UBE2B: variants seen among roughly 807,000 people sequenced by gnomAD.
The protein encoded by UBE2B is ubiquitin conjugating enzyme E2 B.
In UBE2B, 11 loss-of-function variants were observed where a neutral mutation model predicts 24.6. The ratio of observed to expected loss-of-function variants is 0.45; its 90% CI spans 0.28 to 0.74. The LOEUF (loss-of-function observed/expected upper bound fraction) is 0.74. Ranked by LOEUF, UBE2B falls within the 30% of genes least tolerant of loss-of-function variation. The probability of loss-of-function intolerance (pLI) is 0.13; values close to 1 mark genes in which losing one functional copy is unlikely to be tolerated. For synonymous variants in UBE2B, 68 were observed against 62.4 expected (o/e 1.09, Z -0.42); for missense variants, 78 against 185.6 (o/e 0.42, Z 3.37).
chr5:134,382,679 T>TGGG (rs1758727212), intron 4 of UBE2B, among the ~76,000 whole-genome samples: 1 of 148,666 alleles, frequency 6.7e-6, no homozygotes, highest in African/African-American at 2.5e-5. Context: ...GAGGCCGAGG[T>TGGG]GGGAGAATTG....
chr5:134,386,308 A>G (rs907728584), intron 4 of UBE2B, among the ~76,000 whole-genome samples: 2 of 150,686 alleles, frequency 1.3e-5, no homozygotes, highest in Non-Finnish European at 2.9e-5. Flanking sequence ...AGCCTGGACA[A>G]CAGACTGAGA....
intron 2 of UBE2B, 59 bp downstream of exon 2, chr5:134,374,522 A>G (rs1197854977): frequency 6.6e-7 from 1 of 1,511,808 alleles, no homozygotes; most frequent in South Asian, 1.2e-5. Context: ...AAAAGTAAAC[A>G]TATAACAACT....
intron 3 of UBE2B, among the ~76,000 whole-genome samples, chr5:134,378,543 C>T (rs1391322862): frequency 1.3e-5 from 2 of 152,126 alleles, no homozygotes; most frequent in Non-Finnish European, 2.9e-5. Context: ...GCATGAGCCA[C>T]ACCCAGCCGA....
intron 4 of UBE2B, among the ~76,000 whole-genome samples, chr5:134,381,166 C>T (rs910341776): frequency 2.0e-5 from 3 of 151,830 alleles, no homozygotes; most frequent in Non-Finnish European, 4.4e-5. Context: ...CGGGGTTTCA[C>T]CATGTTAGCC....
At chr5:134,375,800 A>G in intron 2 of UBE2B, among the ~76,000 whole-genome samples, 1 of 104,626 alleles carries the variant, frequency 9.6e-6, no homozygotes, top group South Asian at 2.7e-4. Context: ...TCCGTCTCAA[A>G]AAAAAAAAAA....
rs70976528 is a variant in UBE2B at position 134,376,364 on chromosome 5, T to TATATATATATATATATATATAC, written c.126-304_126-303insTATATATATATATATATATACA. ...AAAAAAAAAAATATATATATATATA[T>TATATATATATATATATATATAC]ACACATATGTACAAAATGACTGGTC... is the stretch of plus-strand genomic sequence containing the variant. On this transcript the variant is annotated intron_variant, in intron 2 of 5. Transcript: ENST00000265339. 5.3e-4 allele frequency among the ~76,000 whole-genome samples: 42 copies of TATATATATATATATATATATAC among 79,454 alleles called. 1 individual carries two copies. The highest frequency in any genetic ancestry group is 7.3e-4 in the Non-Finnish European group (31 of 42,556). The allele number at this position is 79,454 out of a possible 152,430, so 52.1% of individuals were successfully genotyped here.
At chr5:134,375,753 T>G (rs1314667100) in intron 2 of UBE2B, among the ~76,000 whole-genome samples, 2 of 140,444 alleles carry the variant, frequency 1.4e-5, no homozygotes, top group African/African-American at 5.5e-5. Context: ...TGAGCCGAGA[T>G]TGCGCCACTG....
Position 134,380,711 on chromosome 5 carries a change from C to T in UBE2B, c.152-8C>T, listed in dbSNP as rs1262045526. On this transcript the variant is annotated splice_region_variant and splice_polypyrimidine_tract_variant and intron_variant, in intron 3 of 5. Transcript: ENST00000265339. The stretch of plus-strand genomic sequence containing the variant: ...GTCTTTACTATAATTATTTTGTTTT[C>T]TCTCTAGGTACTTTTAAACTAGTAA... 3.4e-6 allele frequency: 5 copies of T among 1,473,720 alleles called. No homozygotes were observed. In the Admixed American group the frequency reaches 5.1e-5, roughly 15 times the overall value. 91.3% of individuals were successfully genotyped at this position (1,473,720 alleles called of 1,614,324 possible). A position where few individuals can be genotyped will look rare whatever the true frequency, so the allele number is the denominator to read the frequency against.
At chr5:134,371,930 C>A (rs1405501988) in intron 1 of UBE2B, among the ~76,000 whole-genome samples, 1 of 152,254 alleles carries the variant, frequency 6.6e-6, no homozygotes, top group Non-Finnish European at 1.5e-5. Context: ...CGGCGTCTCG[C>A]CCAGGCGATC....
At chr5:134,377,968 T>A (rs535968125) in intron 3 of UBE2B, among the ~76,000 whole-genome samples, 3 of 152,254 alleles carry the variant, frequency 2.0e-5, no homozygotes, top group African/African-American at 7.2e-5. Flanking sequence ...CTTAGGCAGG[T>A]GGATCATGGA....
chr5:134,389,784 T>G (rs1758868842), intron 5 of UBE2B: 4 of 193,940 alleles, frequency 2.1e-5, no homozygotes, highest in South Asian at 8.9e-5. Flanking sequence ...CTACCTCAGG[T>G]GATCTGCCCG....
chr5:134,374,638 A>G, intron 2 of UBE2B, 175 bp downstream of exon 2: 1 of 699,514 alleles, frequency 1.4e-6, no homozygotes, highest in Non-Finnish European at 2.4e-6. Flanking sequence ...CCAGCACAGT[A>G]GTAGCTCAAC....
Position 134,373,255 on chromosome 5 carries a change from GT to G in UBE2B, c.45-1125del, listed in dbSNP as rs1758524828. On this transcript the variant is annotated intron_variant, in intron 1 of 5. Coordinates refer to ENST00000265339, the MANE Select transcript of UBE2B (RefSeq NM_003337.4). ...AGAGTAAATCTGCTGCCTAATACTA[GT>G]TTCCTAGTTAAATTTAATGTGTTTT... 2.0e-5 allele frequency among the ~76,000 whole-genome samples: 3 copies of G among 151,224 alleles called. 1 individual carries two copies. The highest frequency in any genetic ancestry group is 2.0e-4 in the Admixed American group (3 of 15,184).
At chr5:134,389,612 G>A (rs1353324934) in intron 5 of UBE2B, among the ~76,000 whole-genome samples, 17 of 149,640 alleles carry the variant, frequency 1.1e-4, no homozygotes, top group South Asian at 8.4e-4. Flanking sequence ...ACAGTGGCGC[G>A]ATCTCAGCTC....
At chr5:134,374,836 G>A (rs999684470) in intron 2 of UBE2B, among the ~76,000 whole-genome samples, 125 of 152,264 alleles carry the variant, frequency 8.2e-4, no homozygotes, top group African/African-American at 2.8e-3. Flanking sequence ...CAGCTACTTG[G>A]AAGGCTGAGG....
In UBE2B at chr5:134,372,721, T is replaced by C. The variant is rs35324177; in HGVS notation, c.44+1082T>C. Among the ~76,000 whole-genome samples the C allele has an allele frequency of 4.8e-3, 730 of 152,316 alleles. 2 individuals carry two copies. Among genetic ancestry groups the C allele is most frequent in the African/African-American group, 0.017 (700 of 41,572 alleles). ...TAGGCGTCAAGCAGTGCAGTTCTTC[T>C]AAGGCTTCTGTTCGTGGTGGCCTAA... On this transcript the variant is annotated intron_variant, in intron 1 of 5. Coordinates refer to ENST00000265339, the MANE Select transcript of UBE2B (RefSeq NM_003337.4).
intron 3 of UBE2B, 56 bp from the exon 4 acceptor site, chr5:134,380,663 G>A: frequency 9.8e-7 from 1 of 1,020,282 alleles, no homozygotes; most frequent in Non-Finnish European, 1.5e-6. Context: ...GAGAACTGAT[G>A]AAGAGATTAA....
At chr5:134,381,399 G>A (rs895267399) in intron 4 of UBE2B, among the ~76,000 whole-genome samples, 4 of 152,142 alleles carry the variant, frequency 2.6e-5, no homozygotes, top group African/African-American at 9.7e-5. Flanking sequence ...GGGACGACAG[G>A]TGTGGACCAC....
At chr5:134,371,976 C>A (rs1015143168) in intron 1 of UBE2B, among the ~76,000 whole-genome samples, 3 of 152,266 alleles carry the variant, frequency 2.0e-5, no homozygotes, top group Non-Finnish European at 2.9e-5. Context: ...CCTGCGGCGC[C>A]CCCTTCTTGT....
Sources: allele counts gnomAD v4.1 joint callset (sites outside exome capture counted in the v4.1 genomes callset), GRCh38; gene constraint gnomAD v4.1.1; transcripts MANE v1.5; gene names NCBI Gene and HGNC (gene_info 2026-07-23, HGNC 2026-07-21).